The following PRDM9 variants were observed in gnomAD, a reference collection of about 807,000 sequenced individuals.
PRDM9 encodes the protein histone-lysine N-methyltransferase PRDM9.
In PRDM9, 47 loss-of-function variants were observed where a neutral mutation model predicts 55.6. That is an observed-to-expected ratio of 0.85 (90% CI 0.67 to 1.08). PRDM9 has a LOEUF of 1.08. Among genes scored for constraint, PRDM9 ranks in the 50% least tolerant of loss-of-function variants. The pLI is 0.00. For synonymous variants in PRDM9, 312 were observed against 375.7 expected (o/e 0.83, Z 1.96); for missense variants, 867 against 1,040.3 (o/e 0.83, Z 2.29).
In PRDM9 at chr5:23,522,902, A is replaced by G. The variant is rs554481373; in HGVS notation, c.882+17A>G. The G allele has an allele frequency of 1.9e-6, 3 of 1,614,236 alleles. No individual in the cohort carries two copies. Among genetic ancestry groups the G allele is most frequent in the Non-Finnish European group, 2.5e-6 (3 of 1,180,038 alleles). On this transcript the variant is annotated intron_variant, in intron 8 of 10. Transcript: ENST00000296682. ...TCCTGGCTGGTAAGAAGAGCCTGCC[A>G]TTTCCCCTGTTCTGTCTTCCCACAT...
At chr5:23,510,144 T>C in intron 4 of PRDM9, 117 bp downstream of exon 4, 1 of 1,035,252 alleles carries the variant, frequency 9.7e-7, no homozygotes, top group Non-Finnish European at 1.4e-6. Flanking sequence ...AATCTCCACC[T>C]CCCAGGTTCA....
intron 1 of PRDM9, among the ~76,000 whole-genome samples, chr5:23,508,090 G>T (rs1739020557): frequency 6.6e-6 from 1 of 151,890 alleles, no homozygotes; most frequent in African/African-American, 2.4e-5. Flanking sequence ...TCAGCTTCAA[G>T]GACCAAATAA....
chr5:23,525,957 T>C (rs1388980612), intron 10 of PRDM9, among the ~76,000 whole-genome samples: 1 of 152,096 alleles, frequency 6.6e-6, no homozygotes, highest in Non-Finnish European at 1.5e-5. Context: ...GTTCCATCTA[T>C]GTAAGGAATG....
intron 7 of PRDM9, 34 bp from the exon 8 acceptor site, chr5:23,522,580 C>G (rs1739352158): frequency 6.2e-7 from 1 of 1,613,970 alleles, no homozygotes; most frequent in South Asian, 1.1e-5. Flanking sequence ...ACATGCATTA[C>G]AACTTTCCTA....
In PRDM9 at chr5:23,509,968, T is replaced by C. The variant is rs1332416989; in HGVS notation, c.242T>C (p.Ile81Thr). ...PAFMCHRRQAIKLQVDDTEDS... is the reference protein window; with the variant it reads ...PAFMCHRRQATKLQVDDTEDS... ...TTCATGTGTCACCGAAGGCAGGCCA[T>C]CAAACTCCAGGTGGATGACACAGAA... is the stretch of plus-strand genomic sequence containing the variant. Residue 81 changes from isoleucine (I) to threonine (T), a missense_variant, in exon 4 of 11, where the codon ATC becomes ACC. This residue lies in a region of PRDM9 where 662 missense variants were observed against 711.9 expected (regional missense o/e 0.93). Coordinates refer to ENST00000296682, the MANE Select transcript of PRDM9 (RefSeq NM_020227.4). 5.0e-6 allele frequency: 8 copies of C among 1,612,610 alleles called. No individual in the cohort carries two copies. The South Asian group carries it at 8.8e-5, about 18-fold the overall frequency.
intron 10 of PRDM9, among the ~76,000 whole-genome samples, chr5:23,525,081 T>C (rs755365277): frequency 1.8e-4 from 28 of 152,218 alleles, no homozygotes; most frequent in Non-Finnish European, 4.0e-4. Flanking sequence ...TTGAAGTAAA[T>C]GAATCCAGAA....
chr5:23,527,036 GTCC>G lies in PRDM9; in HGVS notation c.1954_1956del (p.Leu652del), dbSNP rs1302398866. 5.1e-6 allele frequency: 3 copies of G among 583,294 alleles called. No individual in the cohort carries two copies. Among genetic ancestry groups the G allele is most frequent in the Non-Finnish European group, 5.9e-6 (2 of 336,704 alleles). 36.1% of individuals were successfully genotyped at this position (583,294 alleles called of 1,614,324 possible). A position where few individuals can be genotyped will look rare whatever the true frequency, so the allele number is the denominator to read the frequency against. ...TGGGCGGGGCTTTAGCCGGCAGTCA[GTCC>G]TCCTCACTCACCAGAGGAGACACAC... is the stretch of plus-strand genomic sequence containing the variant. On this transcript the variant is annotated inframe_deletion, in exon 11 of 11. Coordinates refer to ENST00000296682, the MANE Select transcript of PRDM9 (RefSeq NM_020227.4).
chr5:23,527,607 G>C lies in PRDM9; in HGVS notation c.2519G>C (p.Gly840Ala), dbSNP rs754062358. The C allele has an allele frequency of 2.0e-6, 3 of 1,510,316 alleles. No homozygotes were observed. The highest frequency in any genetic ancestry group is 1.6e-5 in the African/African-American group (1 of 62,610). The allele number at this position is 1,510,316 out of a possible 1,614,324, so 93.6% of individuals were successfully genotyped here. ...KPYVCRECGR[G>A]FRNKSHLLRH... ...TATGTCTGCAGGGAGTGTGGGCGGG[G>C]CTTTCGCAATAAGTCACACCTCCTC... The change falls in exon 11 of 11, where the codon GGC (glycine) becomes GCC (alanine). Residue 840 changes from glycine to alanine, a missense_variant. By Grantham distance (60) the Gly-to-Ala change is moderately conservative. Coordinates refer to ENST00000296682, the MANE Select transcript of PRDM9 (RefSeq NM_020227.4).
At chr5:23,515,164 C>T (rs1179442072) in intron 4 of PRDM9, among the ~76,000 whole-genome samples, 2 of 151,854 alleles carry the variant, frequency 1.3e-5, no homozygotes, top group East Asian at 3.9e-4. Flanking sequence ...AGGGTTTCAC[C>T]ATGTTGGCCA....
In PRDM9 at chr5:23,509,079, G is replaced by A; in HGVS notation, c.46G>A (p.Glu16Lys). 7 of 1,614,108 alleles carry A rather than the reference G, an allele frequency of 4.3e-6. No individual in the cohort carries two copies. The highest frequency in any genetic ancestry group is 5.9e-6 in the Non-Finnish European group (7 of 1,179,996). ...AGAGGAGAGCCCAGAAGAAGACACAGAGAGAACAGAGCGGAAGCCCATGGT... is the reference window on the plus strand; with the variant it reads ...AGAGGAGAGCCCAGAAGAAGACACAAAGAGAACAGAGCGGAAGCCCATGGT... ...SQEESPEEDT[E>K]RTERKPMVKD... The change falls in exon 2 of 11, where the codon GAG (glutamate) becomes AAG (lysine). Residue 16 changes from glutamate (E) to lysine (K), a missense_variant. By Grantham distance (56) the Glu-to-Lys change is moderately conservative. Around this residue, in one of 5 missense-constraint regions of PRDM9, gnomAD observed 662 missense variants for 711.9 expected, o/e 0.93. Coordinates refer to ENST00000296682, the MANE Select transcript of PRDM9 (RefSeq NM_020227.4).
chr5:23,509,699 T>C, intron 3 of PRDM9, 106 bp downstream of exon 3: 2 of 1,583,818 alleles, frequency 1.3e-6, no homozygotes, highest in Non-Finnish European at 1.7e-6. Flanking sequence ...ACAATTCCCT[T>C]TTTCATGTAG....
chr5:23,520,104 C>A (rs1183040283), intron 5 of PRDM9, among the ~76,000 whole-genome samples: 1 of 149,234 alleles, frequency 6.7e-6, no homozygotes, highest in Non-Finnish European at 1.5e-5. Flanking sequence ...GGGGCTCATG[C>A]CTATAATCCC....
chr5:23,513,710 T>C (rs1468213649), intron 4 of PRDM9, among the ~76,000 whole-genome samples: 2 of 151,930 alleles, frequency 1.3e-5, no homozygotes, highest in African/African-American at 2.4e-5. Flanking sequence ...TGAAACCCCA[T>C]CTCTACTAAA....
At chr5:23,511,139 G>A (rs922648494) in intron 4 of PRDM9, among the ~76,000 whole-genome samples, 1 of 151,846 alleles carries the variant, frequency 6.6e-6, no homozygotes, top group African/African-American at 2.4e-5. Flanking sequence ...CTGGGCAACA[G>A]AATGAGAAGA....
rs770997318 is a variant in PRDM9 at position 23,526,636 on chromosome 5, A to C, written c.1548A>C (p.Val516=). 41 of 1,614,132 alleles carry C rather than the reference A, an allele frequency of 2.5e-5. No individual in the cohort carries two copies. The highest frequency in any genetic ancestry group is 3.3e-4 in the Middle Eastern group (2 of 6,084). The change falls in exon 11 of 11, where the codon GTA becomes GTC. Residue 516 remains valine (V), a synonymous_variant. Transcript: ENST00000296682. ...ACACAGGCAAATTATTTGTGGGGGT[A>C]GGAATCTCAAGAATTGCAAAAGTCA... ...PGNTGKLFVG[V]GISRIAKVKY...
At chr5:23,515,863 G>T (rs1739200097) in intron 4 of PRDM9, among the ~76,000 whole-genome samples, 1 of 152,038 alleles carries the variant, frequency 6.6e-6, no homozygotes, top group East Asian at 1.9e-4. Context: ...CTGTTCCATT[G>T]GTCTATATGT....
intron 6 of PRDM9, 144 bp from the exon 7 acceptor site, chr5:23,522,160 C>A: frequency 2.6e-6 from 2 of 772,666 alleles, no homozygotes; most frequent in East Asian, 2.5e-5. Context: ...GTCTAAGTCT[C>A]TCTGAAGCAG....
intron 1 of PRDM9, 66 bp from the exon 2 acceptor site, chr5:23,508,884 G>C: frequency 1.1e-6 from 1 of 886,946 alleles, no homozygotes; most frequent in Non-Finnish European, 1.8e-6. Flanking sequence ...AGATGGAGAA[G>C]ACAGAGCCTG....
At chr5:23,516,869 G>C (rs984200989) in intron 4 of PRDM9, among the ~76,000 whole-genome samples, 1 of 148,014 alleles carries the variant, frequency 6.8e-6, no homozygotes, top group Non-Finnish European at 1.5e-5. Context: ...ACAGGCGCCC[G>C]CCACCACACC....
Sources: allele counts gnomAD v4.1 joint callset (sites outside exome capture counted in the v4.1 genomes callset), GRCh38; gene constraint gnomAD v4.1.1; regional missense constraint gnomAD v4.1.1; transcripts MANE v1.5; gene names NCBI Gene and HGNC (gene_info 2026-07-23, HGNC 2026-07-21).